LPGAT1: variants seen among roughly 807,000 people sequenced by gnomAD.
LPGAT1 encodes lysophosphatidylglycerol acyltransferase 1, also known as acyl-CoA:lysophosphatidylglycerol acyltransferase 1.
LPGAT1 carries 11 observed loss-of-function variants against 47.5 expected under a neutral mutation model. The observed-to-expected ratio is 0.23, with a 90% CI of 0.15 to 0.38. LPGAT1 has a LOEUF of 0.38. Ranked by LOEUF, LPGAT1 falls within the 10% of genes least tolerant of loss-of-function variation. LPGAT1 has a pLI of 1.00. For synonymous variants in LPGAT1, 138 were observed against 144.2 expected (o/e 0.96, Z 0.31); for missense variants, 293 against 439.0 (o/e 0.67, Z 2.97).
At chr1:211,791,920 A>G (rs1659136347) in intron 3 of LPGAT1, among the ~76,000 whole-genome samples, 1 of 151,526 alleles carries the variant, frequency 6.6e-6, no homozygotes, top group Admixed American at 6.6e-5. Context: ...CTAAGCCCTT[A>G]ATGAACTTCC....
rs574985027 is a variant in LPGAT1 at position 211,785,013 on chromosome 1, C to T, written c.454-1511G>A. Among the ~76,000 whole-genome samples, 13 of 152,138 alleles carry T rather than the reference C, an allele frequency of 8.5e-5. No individual in the cohort carries two copies. The South Asian group carries it at 1.2e-3, about 15-fold the overall frequency. On this transcript the variant is annotated intron_variant, in intron 4 of 7. Coordinates refer to ENST00000366997, the MANE Select transcript of LPGAT1 (RefSeq NM_014873.3). ...AGAGATGGGATTTCACCGTGTTAGC[C>T]AGGATGGTCTCGATCTCCTGACCTT...
intron 6 of LPGAT1, among the ~76,000 whole-genome samples, chr1:211,768,079 T>C (rs1025780702): frequency 3.9e-5 from 6 of 152,200 alleles, no homozygotes. Flanking sequence ...ATTATGTAAA[T>C]TAAAATCTCT....
At chr1:211,817,926 C>T (rs1660234345) in intron 2 of LPGAT1, among the ~76,000 whole-genome samples, 1 of 152,096 alleles carries the variant, frequency 6.6e-6, no homozygotes. Flanking sequence ...CTTCTGCCTC[C>T]TGGGTTCAAG....
chr1:211,823,024 T>G (rs1040651004), intron 2 of LPGAT1, among the ~76,000 whole-genome samples: 3 of 152,148 alleles, frequency 2.0e-5, no homozygotes, highest in African/African-American at 7.2e-5. Flanking sequence ...TGTTAAAGAG[T>G]TGCATCTTCA....
chr1:211,827,798 A>G (rs539208728), intron 2 of LPGAT1, among the ~76,000 whole-genome samples: 1 of 152,310 alleles, frequency 6.6e-6, no homozygotes, highest in South Asian at 2.1e-4. Context: ...AAGCATTGGA[A>G]TCTCAACAAG....
chr1:211,829,713 A>G (rs1660659445), intron 1 of LPGAT1: 1 of 1,024,522 alleles, frequency 9.8e-7, no homozygotes, highest in African/African-American at 1.7e-5. Context: ...CATGACCGAA[A>G]CAGGGTCCCC....
intron 2 of LPGAT1, among the ~76,000 whole-genome samples, chr1:211,819,262 G>A (rs1438052382): frequency 6.6e-6 from 1 of 152,194 alleles, no homozygotes; most frequent in Non-Finnish European, 1.5e-5. Context: ...GGCAGGCCAG[G>A]TGAAAGGACT....
chr1:211,830,100 G>T lies in LPGAT1; in HGVS notation c.-28+473C>A. 1 of 984,656 alleles carries T rather than the reference G, an allele frequency of 1.0e-6. No individual in the cohort carries two copies. The highest frequency in any genetic ancestry group is 4.7e-5 in the South Asian group (1 of 21,294). The allele number at this position is 984,656 out of a possible 1,614,324, so 61.0% of individuals were successfully genotyped here. Reference sequence around the variant, plus strand: ...GGGGCAGAGAAGAGGCGACCGCAGCGCGGGGAGCCGGTGGAGCCTGCAGCG... The same window carrying T: ...GGGGCAGAGAAGAGGCGACCGCAGCTCGGGGAGCCGGTGGAGCCTGCAGCG... On this transcript the variant is annotated intron_variant, in intron 1 of 7. Transcript: ENST00000366997. This position sits in a 1 kb window ranked among gnomAD's most constrained non-coding sequence, Gnocchi z 5.9.
At chr1:211,772,468 G>A (rs56794231) in intron 6 of LPGAT1, among the ~76,000 whole-genome samples, 3,422 of 152,098 alleles carry the variant, frequency 0.022, 131 homozygotes, top group African/African-American at 0.077. Context: ...AAACCATCCC[G>A]AATTCTGTTT....
intron 6 of LPGAT1, among the ~76,000 whole-genome samples, chr1:211,767,004 T>G (rs1657946766): frequency 7.4e-6 from 1 of 134,746 alleles, no homozygotes; most frequent in African/African-American, 2.5e-5. Context: ...AAATTTTACC[T>G]TATTTGTAAG....
intron 2 of LPGAT1, among the ~76,000 whole-genome samples, chr1:211,824,420 A>G (rs1434174869): frequency 6.6e-6 from 1 of 152,214 alleles, no homozygotes; most frequent in East Asian, 1.9e-4. Context: ...GGATCATTCA[A>G]GAACTAGACA....
chr1:211,792,711 C>CTTTTTTTTT (rs34552405), intron 3 of LPGAT1, among the ~76,000 whole-genome samples: 1 of 104,602 alleles, frequency 9.6e-6, no homozygotes, highest in Non-Finnish European at 1.8e-5. Flanking sequence ...AATTGATTCC[C>CTTTTTTTTT]TTTTTTTTTT....
At chr1:211,822,811 A>G (rs115500387) in intron 2 of LPGAT1, among the ~76,000 whole-genome samples, 116 of 151,948 alleles carry the variant, frequency 7.6e-4, no homozygotes, top group African/African-American at 2.6e-3. Context: ...TCAACCTAAC[A>G]TCATGCAGTA....
chr1:211,829,139 C>T lies in LPGAT1; in HGVS notation c.158G>A (p.Arg53Gln), dbSNP rs753305278. ...CATGATTCCTTCGATATACCAGAAC[C>T]GCTTACTGTCCAGCACTCGAAGGGG... is the stretch of plus-strand genomic sequence containing the variant. ...LQPLRVLDSK[R>Q]FWYIEGIMYK... The change falls in exon 2 of 8, where the codon CGG (arginine) becomes CAG (glutamine). Residue 53 changes from arginine to glutamine, a missense_variant. Physicochemically the swap from Arg to Gln is conservative, Grantham distance 43. Transcript: ENST00000366997. 3.1e-6 allele frequency: 5 copies of T among 1,613,996 alleles called. No homozygotes were observed. In the Admixed American group the frequency reaches 6.7e-5, roughly 22 times the overall value.
chr1:211,816,407 G>A (rs1306776324), intron 2 of LPGAT1, among the ~76,000 whole-genome samples: 1 of 152,080 alleles, frequency 6.6e-6, no homozygotes, highest in Admixed American at 6.5e-5. Context: ...CATTAGAATA[G>A]GTGACTGAAT....
At position 211,830,525 on chromosome 1, in the gene LPGAT1, C is replaced by G. The variant is rs920600318; in HGVS notation, c.-28+48G>C. The G allele has an allele frequency of 1.7e-5, 20 of 1,200,454 alleles. 1 individual carries two copies. In the Admixed American group the frequency reaches 5.7e-4, roughly 34 times the overall value. The allele number at this position is 1,200,454 out of a possible 1,614,324, so 74.4% of individuals were successfully genotyped here. A position where few individuals can be genotyped will look rare whatever the true frequency, so the allele number is the denominator to read the frequency against. On this transcript the variant is annotated intron_variant, in intron 1 of 7. Transcript: ENST00000366997. This position sits in a 1 kb window ranked among gnomAD's most constrained non-coding sequence, Gnocchi z 5.9. ...CCCGCCCCCAGCGCCTCCCCTGGCC[C>G]GGCTCCGCTGCCGCTCTGGGGCCTG... is the stretch of plus-strand genomic sequence containing the variant.
At chr1:211,817,830 T>C (rs1660229595) in intron 2 of LPGAT1, among the ~76,000 whole-genome samples, 1 of 152,036 alleles carries the variant, frequency 6.6e-6, no homozygotes, top group South Asian at 2.1e-4. Context: ...TTTCAGGTTT[T>C]TTGTTTTTGT....
chr1:211,783,884 T>G (rs1658739302), intron 4 of LPGAT1, among the ~76,000 whole-genome samples: 1 of 152,114 alleles, frequency 6.6e-6, no homozygotes, highest in Admixed American at 6.5e-5. Flanking sequence ...ATGGTAAATG[T>G]GGAGTGCAAA....
At chr1:211,790,958 T>C (rs1000846262) in intron 3 of LPGAT1, among the ~76,000 whole-genome samples, 3 of 152,206 alleles carry the variant, frequency 2.0e-5, no homozygotes, top group African/African-American at 7.2e-5. Flanking sequence ...GTTAACTAAT[T>C]GGAGATTCTC....
Sources: gnomAD v4.1 joint callset for allele counts (sites outside exome capture counted in the v4.1 genomes callset) on GRCh38, gnomAD v4.1.1 for gene constraint, Gnocchi (gnomAD v3.1) non-coding constraint, MANE v1.5 for transcripts, NCBI Gene and HGNC (gene_info 2026-07-23, HGNC 2026-07-21) for gene names.